CSMD2: variants seen among roughly 807,000 people sequenced by gnomAD.
CSMD2 encodes the protein CUB and sushi domain-containing protein 2.
Under a neutral mutation model 398.5 loss-of-function variants are expected in CSMD2, and 130 were observed. The ratio of observed to expected loss-of-function variants is 0.33; its 90% CI spans 0.28 to 0.38. The LOEUF is 0.38. Among genes scored for constraint, CSMD2 ranks in the 10% least tolerant of loss-of-function variants. The pLI, the probability that CSMD2 is intolerant of heterozygous loss-of-function variation, is 1.00. For synonymous variants in CSMD2, 1,828 were observed against 1,908.5 expected, an observed-to-expected ratio of 0.96 and a Z score of 1.10; for missense variants, 3,829 against 4,764.9, an observed-to-expected ratio of 0.80 and a Z score of 5.78.
chr1:33,930,253 T>C (rs1644268190), intron 4 of CSMD2, among the ~76,000 whole-genome samples: 1 of 152,208 alleles, frequency 6.6e-6, no homozygotes, highest in Admixed American at 6.5e-5. Context: ...GTAAGGCTGC[T>C]ACTTGTGTCC....
At chr1:33,974,339 G>C (rs1645881331) in intron 3 of CSMD2, among the ~76,000 whole-genome samples, 1 of 152,210 alleles carries the variant, frequency 6.6e-6, no homozygotes, top group Non-Finnish European at 1.5e-5. Context: ...AGCATACAGA[G>C]GAGATTCCTC....
intron 5 of CSMD2, among the ~76,000 whole-genome samples, chr1:33,904,790 T>A (rs1031621338): frequency 1.3e-5 from 2 of 152,034 alleles, no homozygotes; most frequent in Non-Finnish European, 2.9e-5. Context: ...AGGACTACAG[T>A]CGCCCACCAC....
At chr1:33,569,211 A>G (rs747326637) in intron 52 of CSMD2, among the ~76,000 whole-genome samples, 163 bp downstream of exon 52, 2 of 152,166 alleles carry the variant, frequency 1.3e-5, no homozygotes, top group Non-Finnish European at 2.9e-5. Context: ...AAGCTGTTCC[A>G]GGGTTTTAGT....
At chr1:33,988,717 A>G (rs1344542625) in intron 3 of CSMD2, among the ~76,000 whole-genome samples, 1 of 142,536 alleles carries the variant, frequency 7.0e-6, no homozygotes, top group African/African-American at 2.9e-5. Flanking sequence ...TTGTTGATGG[A>G]AAAAAAAAAT....
intron 1 of CSMD2, among the ~76,000 whole-genome samples, chr1:34,111,132 C>G (rs928913428): frequency 6.6e-6 from 1 of 152,192 alleles, no homozygotes; most frequent in Non-Finnish European, 1.5e-5. Context: ...TGATGCGTCC[C>G]AAGTGCCTAG....
chr1:34,045,077 A>ACC (rs1553294779), intron 2 of CSMD2, among the ~76,000 whole-genome samples: 4 of 145,668 alleles, frequency 2.7e-5, no homozygotes, highest in African/African-American at 7.8e-5. Context: ...ACACACACAC[A>ACC]CCCCTACAAA....
chr1:33,872,962 G>A (rs146510652), intron 5 of CSMD2, among the ~76,000 whole-genome samples: 7 of 152,256 alleles, frequency 4.6e-5, no homozygotes, highest in African/African-American at 7.2e-5. Flanking sequence ...GACCAGTGAC[G>A]CCTTTGTTCC....
In CSMD2 at chr1:33,533,811, G is replaced by C. The variant is rs1241642065; in HGVS notation, c.9976C>G (p.Pro3326Ala). The change falls in exon 63 of 71, where the codon CCA (proline) becomes GCA (alanine). Residue 3326 changes from proline to alanine, a missense_variant. Pro to Ala is a conservative substitution (Grantham distance 27, BLOSUM62 -1). This residue lies in a region of CSMD2 where 917 missense variants were observed against 1,199.5 expected (regional missense o/e 0.76). Coordinates refer to ENST00000373381, the MANE Select transcript of CSMD2 (RefSeq NM_001281956.2). The surrounding 1 kb of genome is among the most constrained non-coding windows in gnomAD (Gnocchi z 4.2). ...CLPNLTWSGT[P>A]PDCVPHHCRQ... Reference sequence around the variant, plus strand: ...CTGCACTCACGGACACAGTCAGGTGGGGTTCCACTCCAGGTCAGGTTTGGG... The same window carrying C: ...CTGCACTCACGGACACAGTCAGGTGCGGTTCCACTCCAGGTCAGGTTTGGG... 3 of 1,612,392 alleles carry C rather than the reference G, an allele frequency of 1.9e-6. No individual in the cohort carries two copies. The Admixed American group carries it at 5.0e-5, about 27-fold the overall frequency.
chr1:34,012,242 G>C (rs979539542), intron 3 of CSMD2, among the ~76,000 whole-genome samples: 1 of 151,854 alleles, frequency 6.6e-6, no homozygotes, highest in Non-Finnish European at 1.5e-5. Flanking sequence ...TGCTCTTCCC[G>C]CTGCCGGGAC....
chr1:33,790,801 A>ATATATATC (rs1553207633), intron 11 of CSMD2, among the ~76,000 whole-genome samples: 2 of 148,448 alleles, frequency 1.3e-5, no homozygotes, highest in Non-Finnish European at 3.0e-5. Flanking sequence ...CATCTCTCTA[A>ATATATATC]TATCTATCTA....
At chr1:34,137,014 A>G (rs1638819093) in intron 1 of CSMD2, among the ~76,000 whole-genome samples, 2 of 151,894 alleles carry the variant, frequency 1.3e-5, no homozygotes, top group South Asian at 4.2e-4. Context: ...CCACTCATCA[A>G]TCAAACACAT....
rs1447177644 is a variant in CSMD2, at chr1:34,002,516, G to A, written c.517+30078C>T. 3.3e-5 allele frequency among the ~76,000 whole-genome samples: 5 copies of A among 152,250 alleles called. No individual in the cohort carries two copies. In the East Asian group the frequency reaches 9.7e-4, roughly 29 times the overall value. On this transcript the variant is annotated intron_variant, in intron 3 of 70. Transcript: ENST00000373381. The stretch of plus-strand genomic sequence containing the variant: ...ACAGCTACCTCTGAGGATAGTTGTG[G>A]GGTATATGCAAAAAAATTATTATGA...
chr1:33,683,975 A>G (rs538470226), intron 25 of CSMD2, among the ~76,000 whole-genome samples: 11 of 152,314 alleles, frequency 7.2e-5, no homozygotes, highest in Admixed American at 2.0e-4. Context: ...ACCTGTGGCC[A>G]TGATTCCTGG....
At chr1:33,891,568 A>T (rs56120055) in intron 5 of CSMD2, among the ~76,000 whole-genome samples, 114,461 of 150,920 alleles carry the variant, frequency 0.76, 43,974 homozygotes, top group African/African-American at 0.87. Flanking sequence ...CAAAGGATTA[A>T]AAATCATGCT....
At chr1:33,583,044 A>T (rs1045137224) in intron 47 of CSMD2, among the ~76,000 whole-genome samples, 31 of 152,302 alleles carry the variant, frequency 2.0e-4, no homozygotes, top group African/African-American at 6.7e-4. Flanking sequence ...GACCATCTGG[A>T]CATCTTGCAG....
intron 3 of CSMD2, among the ~76,000 whole-genome samples, chr1:33,960,975 C>A (rs1645338953): frequency 6.6e-6 from 1 of 152,246 alleles, no homozygotes; most frequent in South Asian, 2.1e-4. Flanking sequence ...CAGACAACCC[C>A]AGGCCACAAT....
intron 3 of CSMD2, among the ~76,000 whole-genome samples, chr1:33,948,555 A>G (rs538603761): frequency 2.0e-5 from 3 of 152,330 alleles, no homozygotes; most frequent in Admixed American, 1.3e-4. Flanking sequence ...ACACATGACA[A>G]TGGATACAAC....
intron 2 of CSMD2, among the ~76,000 whole-genome samples, chr1:34,035,847 G>A (rs868691461): frequency 6.6e-6 from 1 of 151,658 alleles, no homozygotes; most frequent in Non-Finnish European, 1.5e-5. Flanking sequence ...TAGAAAATCC[G>A]CAAAAGACAT....
At chr1:33,644,322 G>A (rs1643293008) in intron 29 of CSMD2, among the ~76,000 whole-genome samples, 1 of 152,174 alleles carries the variant, frequency 6.6e-6, no homozygotes, top group Non-Finnish European at 1.5e-5. Context: ...CAAGGTGACT[G>A]GAGAGGAAGC....
Sources: allele counts gnomAD v4.1 joint callset (sites outside exome capture counted in the v4.1 genomes callset), GRCh38; gene constraint gnomAD v4.1.1; regional missense constraint gnomAD v4.1.1; non-coding constraint Gnocchi (gnomAD v3.1); transcripts MANE v1.5; gene names NCBI Gene and HGNC (gene_info 2026-07-23, HGNC 2026-07-21).